NPNT: variants seen among roughly 807,000 people sequenced by gnomAD.
NPNT encodes preosteoblast EGF-like repeat protein with MAM domain.
Under a neutral mutation model 68.6 loss-of-function variants are expected in NPNT, and 45 were observed. That is an observed-to-expected ratio of 0.66 (90% CI 0.52 to 0.84). The LOEUF (loss-of-function observed/expected upper bound fraction) is 0.84, where lower values mean the gene tolerates loss of function less well. Among genes scored for constraint, NPNT ranks in the 40% least tolerant of loss-of-function variants. The pLI is 0.00. For missense variants in NPNT, 672 were observed against 714.8 expected, an observed-to-expected ratio of 0.94 and a Z score of 0.68; for synonymous variants, 233 against 253.3, an observed-to-expected ratio of 0.92 and a Z score of 0.76.
rs11355483 is a variant in NPNT at position 105,920,395 on chromosome 4, T to TAAAAAAA, written c.173-6923_173-6917dup. Among the ~76,000 whole-genome samples the TAAAAAAA allele has an allele frequency of 1.2e-3, 94 of 79,440 alleles. 2 individuals carry two copies. Among genetic ancestry groups the TAAAAAAA allele is most frequent in the African/African-American group, 4.3e-3 (83 of 19,492 alleles). The allele number at this position is 79,440 out of a possible 152,430, so 52.1% of individuals were successfully genotyped here. ...GTGGGCATTGCTACTGTTACTCTACTAAAAAAAAAAAAAAAAAAAAAAAAC... is the reference window on the plus strand; with the variant it reads ...GTGGGCATTGCTACTGTTACTCTACTAAAAAAAAAAAAAAAAAAAAAAAAAAAAAAAC... On this transcript the variant is annotated intron_variant, in intron 2 of 11. Coordinates refer to ENST00000379987, the MANE Select transcript of NPNT (RefSeq NM_001033047.3).
chr4:105,938,687 T>C (rs902169504), intron 5 of NPNT, among the ~76,000 whole-genome samples: 1 of 152,202 alleles, frequency 6.6e-6, no homozygotes, highest in Admixed American at 6.5e-5. Flanking sequence ...GCACAATGTT[T>C]AGGGAAACGA....
At chr4:105,948,700 A>G (rs149754098) in intron 8 of NPNT, among the ~76,000 whole-genome samples, 251 of 152,268 alleles carry the variant, frequency 1.6e-3, no homozygotes, top group African/African-American at 5.7e-3. Context: ...AGGCTGCTGC[A>G]GCTTCAATCT....
At chr4:105,956,603 A>C (rs989922967) in intron 8 of NPNT, among the ~76,000 whole-genome samples, 2 of 152,196 alleles carry the variant, frequency 1.3e-5, no homozygotes, top group African/African-American at 4.8e-5. Context: ...GGACAAAAAC[A>C]TGATTGTTCT....
intron 2 of NPNT, among the ~76,000 whole-genome samples, chr4:105,914,717 C>T (rs1204154447): frequency 6.6e-6 from 1 of 151,536 alleles, no homozygotes; most frequent in East Asian, 2.0e-4. Context: ...TGGTGATGGC[C>T]CAGCTGAATC....
chr4:105,948,641 A>G (rs923289804), intron 8 of NPNT, among the ~76,000 whole-genome samples: 6 of 152,156 alleles, frequency 3.9e-5, no homozygotes, highest in Non-Finnish European at 8.8e-5. Flanking sequence ...GAAATATTAA[A>G]CTTATTTTTA....
At chr4:105,918,917 T>C (rs1434357711) in intron 2 of NPNT, among the ~76,000 whole-genome samples, 1 of 152,054 alleles carries the variant, frequency 6.6e-6, no homozygotes, top group African/African-American at 2.4e-5. Flanking sequence ...ATCTTGTGAG[T>C]TTACTGGTTT....
chr4:105,931,492 A>G (rs1729095985), intron 3 of NPNT, among the ~76,000 whole-genome samples: 1 of 151,894 alleles, frequency 6.6e-6, no homozygotes, highest in South Asian at 2.1e-4. Context: ...CTTTAACTCT[A>G]ATATTAAGGT....
At chr4:105,961,927 A>G (rs1731750683) in intron 10 of NPNT, among the ~76,000 whole-genome samples, 1 of 152,236 alleles carries the variant, frequency 6.6e-6, no homozygotes, top group South Asian at 2.1e-4. Flanking sequence ...TACAACCAGC[A>G]TTCGAAAAAT....
rs1730167582 is a variant in NPNT, at chr4:105,943,720, C to T, written c.1159+1018C>T. Among the ~76,000 whole-genome samples, 6 of 152,180 alleles carry T rather than the reference C, an allele frequency of 3.9e-5. No individual in the cohort carries two copies. The South Asian group carries it at 1.2e-3, about 32-fold the overall frequency. On this transcript the variant is annotated intron_variant, in intron 8 of 11. Transcript: ENST00000379987. ...CCTTTGCATTCACTCTTCCTGTCTC[C>T]TCCTTTATACATTACCAGTTTGTTT...
chr4:105,942,361 A>G lies in NPNT; in HGVS notation c.818A>G (p.Asn273Ser). 1 of 1,612,206 alleles carries G rather than the reference A, an allele frequency of 6.2e-7. No individual in the cohort carries two copies. The highest frequency in any genetic ancestry group is 8.5e-7 in the Non-Finnish European group (1 of 1,178,458). Reference protein sequence around the residue: ...PSGPIHVPKGNGTILKGDTGN... With the variant: ...PSGPIHVPKGSGTILKGDTGN... ...GGTCCAATTCATGTACCAAAGGGAA[A>G]TGGTACCATTTTAAAGGGTGACACA... The change falls in exon 8 of 12, where the codon AAT becomes AGT. Residue 273 changes from asparagine (N) to serine (S), a missense_variant. By Grantham distance (46) the Asn-to-Ser change is conservative. Coordinates refer to ENST00000379987, the MANE Select transcript of NPNT (RefSeq NM_001033047.3).
At chr4:105,914,909 C>T (rs117371178) in intron 2 of NPNT, among the ~76,000 whole-genome samples, 6 of 152,180 alleles carry the variant, frequency 3.9e-5, no homozygotes, top group East Asian at 1.9e-4. Context: ...GGAAAGGACT[C>T]CTGGAAGGCT....
Position 105,970,568 on chromosome 4 carries a change from C to G in NPNT, c.*1578C>G. 1.5e-6 allele frequency: 1 copy of G among 678,542 alleles called. No individual in the cohort carries two copies. The highest frequency in any genetic ancestry group is 2.7e-6 in the Non-Finnish European group (1 of 368,770). 42.0% of individuals were successfully genotyped at this position (678,542 alleles called of 1,614,324 possible). On this transcript the variant is annotated 3_prime_UTR_variant, in exon 12 of 12. Coordinates refer to ENST00000379987, the MANE Select transcript of NPNT (RefSeq NM_001033047.3). ...TTCTCCATATGCACTAAGAATAGAA[C>G]AAGAGGAAACTGGCTTAGACTAGAG...
intron 2 of NPNT, among the ~76,000 whole-genome samples, chr4:105,909,410 A>G (rs1337983148): frequency 7.2e-5 from 11 of 152,206 alleles, no homozygotes; most frequent in Admixed American, 7.2e-4. Flanking sequence ...TTCATTTTCT[A>G]ACTAAGGCAA....
At chr4:105,937,361 T>C (rs1034678527) in intron 4 of NPNT, among the ~76,000 whole-genome samples, 2 of 151,174 alleles carry the variant, frequency 1.3e-5, no homozygotes, top group African/African-American at 4.9e-5. Flanking sequence ...GTGTTTAGAA[T>C]AAGAATTACA....
At chr4:105,900,421 C>T (rs10470990) in intron 2 of NPNT, among the ~76,000 whole-genome samples, 14,963 of 152,116 alleles carry the variant, frequency 0.098, 1,274 homozygotes, top group African/African-American at 0.23. Context: ...GTGTTTATTC[C>T]GTTTGGTTGA....
chr4:105,955,679 C>A (rs1419606203), intron 8 of NPNT, among the ~76,000 whole-genome samples: 2 of 150,160 alleles, frequency 1.3e-5, no homozygotes, highest in Admixed American at 6.6e-5. Flanking sequence ...TGTATTTATC[C>A]CTCTTTAGTC....
intron 8 of NPNT, among the ~76,000 whole-genome samples, chr4:105,943,937 T>TG (rs1730180543): frequency 6.6e-6 from 1 of 152,190 alleles, no homozygotes; most frequent in South Asian, 2.1e-4. Flanking sequence ...ACTGTGCCAC[T>TG]GCACTGCAGC....
chr4:105,921,088 T>C (rs563629915), intron 2 of NPNT, among the ~76,000 whole-genome samples: 15 of 152,306 alleles, frequency 9.8e-5, no homozygotes, highest in East Asian at 3.9e-4. Flanking sequence ...AAGTTATAGA[T>C]TGTGGTCTTA....
chr4:105,930,130 C>G (rs1728993546), intron 3 of NPNT, among the ~76,000 whole-genome samples: 1 of 152,064 alleles, frequency 6.6e-6, no homozygotes. Context: ...CTTATTTTGC[C>G]CTCCTCACAA....
Sources: allele counts gnomAD v4.1 joint callset (sites outside exome capture counted in the v4.1 genomes callset), GRCh38; gene constraint gnomAD v4.1.1; transcripts MANE v1.5; gene names NCBI Gene and HGNC (gene_info 2026-07-23, HGNC 2026-07-21).